The following NEGR1 variants were observed in gnomAD, a reference collection of about 807,000 sequenced individuals.
NEGR1 encodes the protein IgLON family member 4.
A neutral mutation model predicts 40.9 loss-of-function variants in NEGR1; 10 were observed. The ratio of observed to expected loss-of-function variants is 0.24; its 90% CI spans 0.15 to 0.42. The LOEUF (loss-of-function observed/expected upper bound fraction) is 0.42, where lower values mean the gene tolerates loss of function less well. Ranked by LOEUF, NEGR1 falls within the 10% of genes least tolerant of loss-of-function variation. The probability of loss-of-function intolerance (pLI) is 1.00; values close to 1 mark genes in which losing one functional copy is unlikely to be tolerated. For missense variants in NEGR1, 352 were observed against 438.9 expected (o/e 0.80, Z 1.77); for synonymous variants, 185 against 166.8 (o/e 1.11, Z -0.84).
At chr1:71,512,872 G>A (rs957214503) in intron 6 of NEGR1, among the ~76,000 whole-genome samples, 2 of 152,066 alleles carry the variant, frequency 1.3e-5, no homozygotes, top group African/African-American at 4.8e-5. Flanking sequence ...GAGCCACCAC[G>A]CCTGGCCATA....
At chr1:71,788,233 T>C (rs541101007) in intron 2 of NEGR1, among the ~76,000 whole-genome samples, 7 of 152,288 alleles carry the variant, frequency 4.6e-5, no homozygotes, top group African/African-American at 1.7e-4. Context: ...AGTCCTATGG[T>C]TACATGTGCC....
intron 1 of NEGR1, chr1:72,275,287 G>A (rs1656009542): frequency 2.1e-6 from 1 of 467,472 alleles, no homozygotes; most frequent in Non-Finnish European, 3.8e-6. Context: ...AGATACAGCA[G>A]AGTAATTAAA....
chr1:71,662,036 G>C (rs1188266898), intron 4 of NEGR1, among the ~76,000 whole-genome samples: 2 of 152,192 alleles, frequency 1.3e-5, no homozygotes, highest in Non-Finnish European at 2.9e-5. Flanking sequence ...ACCATGTCTG[G>C]CACATAATAA....
At chr1:71,660,925 C>T (rs1652033896) in intron 4 of NEGR1, among the ~76,000 whole-genome samples, 3 of 152,134 alleles carry the variant, frequency 2.0e-5, no homozygotes, top group Non-Finnish European at 4.4e-5. Flanking sequence ...TGTTCAACTT[C>T]CACTTATGAA....
Position 71,967,755 on chromosome 1 carries a change from C to A in NEGR1, c.177-32444G>T, listed in dbSNP as rs576433163. Among the ~76,000 whole-genome samples the A allele has an allele frequency of 2.6e-5, 4 of 152,132 alleles. No individual in the cohort carries two copies. In the South Asian group the frequency reaches 8.3e-4, roughly 32 times the overall value. ...TGTTTTATTTCAAATGTAAATAATC[C>A]GGAAGCACTACCTTTCTTCATAGAG... On this transcript the variant is annotated intron_variant, in intron 1 of 6. Transcript: ENST00000357731.
At chr1:72,074,715 T>C (rs2422135) in intron 1 of NEGR1, among the ~76,000 whole-genome samples, 58,260 of 151,936 alleles carry the variant, frequency 0.38, 12,143 homozygotes, top group East Asian at 0.6. Context: ...ACTTTCCCAA[T>C]GTGCTTTTAT....
chr1:71,871,363 CT>C (rs1291307066), intron 2 of NEGR1, among the ~76,000 whole-genome samples: 1 of 152,066 alleles, frequency 6.6e-6, no homozygotes, highest in East Asian at 1.9e-4. Flanking sequence ...TTCTAGTAGA[CT>C]TTTTGTGTGG....
At chr1:72,194,470 T>G (rs936222074) in intron 1 of NEGR1, among the ~76,000 whole-genome samples, 1 of 151,968 alleles carries the variant, frequency 6.6e-6, no homozygotes, top group Non-Finnish European at 1.5e-5. Flanking sequence ...CTCAGGAAAG[T>G]TGCCAAGATT....
chr1:71,460,714 A>G (rs1332329986), intron 6 of NEGR1, among the ~76,000 whole-genome samples: 1 of 152,194 alleles, frequency 6.6e-6, no homozygotes, highest in South Asian at 2.1e-4. Context: ...GTGATAAAGC[A>G]GGGAAAATTT....
chr1:71,918,390 A>T (rs983294674), intron 2 of NEGR1, among the ~76,000 whole-genome samples: 4 of 151,856 alleles, frequency 2.6e-5, no homozygotes, highest in African/African-American at 9.7e-5. Flanking sequence ...GGAGTTGGGG[A>T]ACAAAAAAAC....
intron 2 of NEGR1, among the ~76,000 whole-genome samples, chr1:71,786,578 T>C (rs1330238193): frequency 6.6e-6 from 1 of 152,184 alleles, no homozygotes; most frequent in Non-Finnish European, 1.5e-5. Flanking sequence ...ACTGAGAGAC[T>C]AATGACTTAT....
chr1:72,093,329 C>A (rs369658149), intron 1 of NEGR1, among the ~76,000 whole-genome samples: 297 of 118,670 alleles, frequency 2.5e-3, no homozygotes, highest in Admixed American at 2.6e-3. Flanking sequence ...GACTCTGCCT[C>A]AAAAAAAAAA....
At chr1:71,923,507 G>T (rs1238619985) in intron 2 of NEGR1, among the ~76,000 whole-genome samples, 2 of 152,122 alleles carry the variant, frequency 1.3e-5, no homozygotes, top group African/African-American at 4.8e-5. Context: ...TGTGCACGGG[G>T]AGTGTATTAG....
intron 1 of NEGR1, among the ~76,000 whole-genome samples, chr1:72,113,662 T>C (rs921320305): frequency 6.6e-6 from 1 of 151,676 alleles, no homozygotes; most frequent in African/African-American, 2.4e-5. Context: ...TGAGGAATTG[T>C]ACCTACTTTA....
chr1:72,281,316 GAGA>G (rs1190206226), intron 1 of NEGR1, among the ~76,000 whole-genome samples: 2 of 152,258 alleles, frequency 1.3e-5, no homozygotes, highest in Non-Finnish European at 2.9e-5. Context: ...ATGTGGAACA[GAGA>G]AGGAGAGTAT....
At chr1:72,106,871 T>C (rs937334212) in intron 1 of NEGR1, among the ~76,000 whole-genome samples, 2 of 151,962 alleles carry the variant, frequency 1.3e-5, no homozygotes, top group African/African-American at 2.4e-5. Context: ...AATATAGATA[T>C]AGATACAGAT....
intron 4 of NEGR1, among the ~76,000 whole-genome samples, chr1:71,611,498 G>T (rs1313773696): frequency 6.6e-6 from 1 of 152,188 alleles, no homozygotes; most frequent in East Asian, 1.9e-4. Flanking sequence ...ATCACAGGGA[G>T]CCAGTCACTG....
intron 1 of NEGR1, among the ~76,000 whole-genome samples, chr1:72,249,769 G>A (rs1341057077): frequency 1.1e-5 from 1 of 93,632 alleles, no homozygotes; most frequent in Non-Finnish European, 2.9e-5. Flanking sequence ...TCCCGGCAAA[G>A]AAGAACAGGG....
intron 4 of NEGR1, among the ~76,000 whole-genome samples, chr1:71,632,607 T>C (rs990244421): frequency 8.6e-5 from 13 of 151,608 alleles, no homozygotes; most frequent in African/African-American, 3.1e-4. Context: ...ATATAGCATA[T>C]TATAGCACCA....
Sources: allele counts gnomAD v4.1 joint callset (sites outside exome capture counted in the v4.1 genomes callset), GRCh38; gene constraint gnomAD v4.1.1; transcripts MANE v1.5; gene names NCBI Gene and HGNC (gene_info 2026-07-23, HGNC 2026-07-21).